CCDC57: variants seen among roughly 807,000 people sequenced by gnomAD.
The protein encoded by CCDC57 is coiled-coil domain containing 57, also known as coiled-coil domain-containing protein 57.
In CCDC57, 118 loss-of-function variants were observed where a neutral mutation model predicts 118.9. The ratio of observed to expected loss-of-function variants is 0.99; its 90% CI spans 0.86 to 1.16. The LOEUF is 1.16. Ranked by LOEUF, CCDC57 falls within the 50% of genes most tolerant of loss-of-function variation. The probability of loss-of-function intolerance (pLI) is 0.00; values close to 1 mark genes in which losing one functional copy is unlikely to be tolerated. For missense variants in CCDC57, 1,300 were observed against 1,320.7 expected (o/e 0.98, Z 0.24); for synonymous variants, 527 against 532.9 (o/e 0.99, Z 0.15).
At chr17:82,174,368 CT>C (rs1229510346) in intron 11 of CCDC57, among the ~76,000 whole-genome samples, 6 of 152,252 alleles carry the variant, frequency 3.9e-5, no homozygotes, top group Non-Finnish European at 7.3e-5. Context: ...ATGCCTAACC[CT>C]GTTTTTACTC....
At chr17:82,121,544 A>G (rs1268828976) in intron 19 of CCDC57, among the ~76,000 whole-genome samples, 1 of 152,212 alleles carries the variant, frequency 6.6e-6, no homozygotes, top group African/African-American at 2.4e-5. Context: ...TCCCTCCCTG[A>G]TTAAAAGAAA....
chr17:82,170,504 T>TC (rs1478960593), intron 13 of CCDC57, among the ~76,000 whole-genome samples: 11 of 79,660 alleles, frequency 1.4e-4, no homozygotes, highest in East Asian at 7.3e-4. Flanking sequence ...CAAGACTCTG[T>TC]CCCAAAAAAA....
In CCDC57 at chr17:82,210,814, C is replaced by A. The variant is rs561610171; in HGVS notation, c.-211+1971G>T. ...TTTGAGACCAGCCTGGCCAACATGA[C>A]GAAACCTCGTCTCTACTAAAAATAC... On this transcript the variant is annotated intron_variant, in intron 1 of 19. Coordinates refer to ENST00000665763, the Ensembl canonical transcript of CCDC57. Among the ~76,000 whole-genome samples the A allele has an allele frequency of 6.0e-5, 9 of 150,952 alleles. No homozygotes were observed. In the East Asian group the frequency reaches 1.7e-3, roughly 29 times the overall value.
intron 16 of CCDC57, among the ~76,000 whole-genome samples, chr17:82,148,999 A>ATGGATGGGTGGTGGATGGATGG (rs2041432274): frequency 1.6e-5 from 1 of 63,598 alleles, no homozygotes; most frequent in Non-Finnish European, 2.8e-5. Flanking sequence ...AGATGGATGA[A>ATGGATGGGTGGTGGATGGATGG]TGGATGGGTG....
chr17:82,157,376 G>T, intron 15 of CCDC57: 1 of 1,058,416 alleles, frequency 9.4e-7, no homozygotes, highest in Non-Finnish European at 1.2e-6. Context: ...AGGCATGGCT[G>T]TGCACGCAGA....
At chr17:82,145,737 C>A in intron 16 of CCDC57, 2 of 412,534 alleles carry the variant, frequency 4.8e-6, no homozygotes, top group South Asian at 1.7e-5. Context: ...CTGCCTCCTG[C>A]TTCCCCCTGC....
At chr17:82,147,275 A>C (rs28640920) in intron 16 of CCDC57, among the ~76,000 whole-genome samples, 3 of 135,078 alleles carry the variant, frequency 2.2e-5, no homozygotes, top group African/African-American at 5.7e-5. Context: ...GGTGGATGCA[A>C]AGATAGATGA....
intron 13 of CCDC57, among the ~76,000 whole-genome samples, chr17:82,170,897 G>A (rs538282701): frequency 4.5e-4 from 68 of 152,372 alleles, no homozygotes; most frequent in Admixed American, 1.9e-3. Context: ...AAGTGTTGGC[G>A]CGCATGCAGC....
chr17:82,120,703 C>T (rs888932602), intron 19 of CCDC57, among the ~76,000 whole-genome samples: 2 of 152,222 alleles, frequency 1.3e-5, no homozygotes, highest in African/African-American at 4.8e-5. Context: ...TTTCCTAAAT[C>T]CTTCACAGGG....
intron 15 of CCDC57, chr17:82,153,435 A>G (rs4789742): frequency 0.97 from 148,354 of 152,290 alleles, 72,376 homozygotes; most frequent in South Asian, 1. Context: ...AAGTTACACC[A>G]GGCCCTGCGG....
At chr17:82,204,854 G>A (rs1024979402) in intron 2 of CCDC57, among the ~76,000 whole-genome samples, 30 of 152,174 alleles carry the variant, frequency 2.0e-4, no homozygotes, top group Admixed American at 2.6e-4. Context: ...CCTGCCTGTC[G>A]CTGCCACGTG....
intron 17 of CCDC57, among the ~76,000 whole-genome samples, chr17:82,132,077 C>T (rs1322954007): frequency 6.9e-6 from 1 of 145,034 alleles, no homozygotes; most frequent in Non-Finnish European, 1.5e-5. Flanking sequence ...CAAATTACGC[C>T]ACTGCACTCC....
chr17:82,128,922 G>A (rs368227340), intron 17 of CCDC57, among the ~76,000 whole-genome samples: 2 of 147,638 alleles, frequency 1.4e-5, no homozygotes, highest in Non-Finnish European at 3.0e-5. Context: ...CTGCTTTTTT[G>A]TTTTTTTTTT....
intron 19 of CCDC57, chr17:82,106,695 G>C (rs1199010459): frequency 6.6e-6 from 1 of 152,380 alleles, no homozygotes; most frequent in Admixed American, 6.5e-5. Flanking sequence ...GAGGAATGCT[G>C]GCCTCATGCC....
At chr17:82,211,831 G>A (rs2147069574) in intron 1 of CCDC57, among the ~76,000 whole-genome samples, 1 of 152,300 alleles carries the variant, frequency 6.6e-6, no homozygotes, top group Middle Eastern at 3.4e-3. Context: ...ACTGGAGCAA[G>A]CTGTACCAGC....
chr17:82,192,500 T>C lies in CCDC57; in HGVS notation c.851+1256A>G, dbSNP rs1459605116. ...GCATCAACTGTATTTCAATTTATGA[T>C]TTTGAAAAATGCCAGGTGTAGACTT... On this transcript the variant is annotated intron_variant, in intron 7 of 19. Transcript: ENST00000665763. The surrounding 1 kb of genome is among the most constrained non-coding windows in gnomAD (Gnocchi z 4.0). 6.6e-6 allele frequency among the ~76,000 whole-genome samples: 1 copy of C among 152,220 alleles called. No homozygotes were observed. The highest frequency in any genetic ancestry group is 1.9e-4 in the East Asian group (1 of 5,198).
At chr17:82,184,029 GCGCACACACACACACACACACA>G (rs1237148330) in intron 8 of CCDC57, 97 bp from the exon 8 acceptor site, 2 of 235,814 alleles carry the variant, frequency 8.5e-6, no homozygotes, top group East Asian at 1.2e-4. Context: ...GCGCGCGCGC[GCGCACACACACACACACACACA>G]CACACACACA....
chr17:82,175,790 T>C (rs1214371186), intron 11 of CCDC57: 1 of 152,212 alleles, frequency 6.6e-6, no homozygotes, highest in African/African-American at 2.4e-5. Flanking sequence ...AACTGAGACC[T>C]GTCTGAGATT....
intron 16 of CCDC57, among the ~76,000 whole-genome samples, chr17:82,151,149 A>G (rs1448769894): frequency 6.9e-5 from 5 of 72,308 alleles, no homozygotes; most frequent in African/African-American, 2.0e-4. Context: ...CCTGACCCGC[A>G]CCTAGAACCA....
Sources: allele counts gnomAD v4.1 joint callset (sites outside exome capture counted in the v4.1 genomes callset), GRCh38; gene constraint gnomAD v4.1.1; non-coding constraint Gnocchi (gnomAD v3.1); transcripts MANE v1.5; gene names NCBI Gene and HGNC (gene_info 2026-07-23, HGNC 2026-07-21).